RANBP9: variants seen among roughly 807,000 people sequenced by gnomAD.
RANBP9 encodes the protein ran-binding protein 9.
A neutral mutation model predicts 84.3 loss-of-function variants in RANBP9; 15 were observed. That is an observed-to-expected ratio of 0.18 (90% CI 0.12 to 0.27). RANBP9 has a LOEUF of 0.27. RANBP9 is among the 10% of genes least tolerant of loss of function. The probability of loss-of-function intolerance (pLI) is 1.00; values close to 1 mark genes in which losing one functional copy is unlikely to be tolerated. For missense variants in RANBP9, 809 were observed against 912.8 expected (o/e 0.89, Z 1.46); for synonymous variants, 392 against 349.6 (o/e 1.12, Z -1.35).
intron 2 of RANBP9, among the ~76,000 whole-genome samples, chr6:13,678,055 C>T (rs974418041): frequency 6.6e-6 from 1 of 152,154 alleles, no homozygotes; most frequent in Non-Finnish European, 1.5e-5. Context: ...GAGTTCAAGG[C>T]TGCAGTGAAC....
intron 7 of RANBP9, among the ~76,000 whole-genome samples, chr6:13,642,083 T>A (rs776432698): frequency 2.0e-5 from 3 of 152,184 alleles, no homozygotes; most frequent in Admixed American, 1.3e-4. Flanking sequence ...TACTTATGGA[T>A]CAATACTGTA....
chr6:13,685,749 G>C (rs961921400), intron 2 of RANBP9, among the ~76,000 whole-genome samples: 3 of 152,030 alleles, frequency 2.0e-5, no homozygotes, highest in African/African-American at 4.8e-5. Context: ...CCAACATGGT[G>C]AAACCCTGTC....
At chr6:13,693,611 G>A (rs762258854) in intron 2 of RANBP9, among the ~76,000 whole-genome samples, 5 of 152,088 alleles carry the variant, frequency 3.3e-5, no homozygotes, top group Non-Finnish European at 7.3e-5. Flanking sequence ...AGCCGGGGGT[G>A]GCAGCAGATA....
At chr6:13,636,766 TATATC>T (rs764129181) in intron 10 of RANBP9, among the ~76,000 whole-genome samples, 6 of 152,248 alleles carry the variant, frequency 3.9e-5, no homozygotes, top group Non-Finnish European at 8.8e-5. Context: ...CATTACAACT[TATATC>T]AATCACACAC....
At chr6:13,695,504 T>C (rs1766425806) in intron 2 of RANBP9, among the ~76,000 whole-genome samples, 1 of 150,824 alleles carries the variant, frequency 6.6e-6, no homozygotes, top group Non-Finnish European at 1.5e-5. Flanking sequence ...ACACATTGTC[T>C]GGAGCTCGAG....
At chr6:13,662,864 CT>C (rs1765565268) in intron 2 of RANBP9, among the ~76,000 whole-genome samples, 1 of 151,888 alleles carries the variant, frequency 6.6e-6, no homozygotes, top group African/African-American at 2.4e-5. Flanking sequence ...TAATGGCAGA[CT>C]GAAGATGGCA....
intron 2 of RANBP9, among the ~76,000 whole-genome samples, chr6:13,685,020 C>T (rs1486372727): frequency 1.3e-5 from 2 of 152,196 alleles, no homozygotes; most frequent in African/African-American, 4.8e-5. Context: ...GATTCCTTCT[C>T]CTCAGCATAT....
At chr6:13,640,551 T>C (rs553612641) in intron 8 of RANBP9, among the ~76,000 whole-genome samples, 2 of 152,286 alleles carry the variant, frequency 1.3e-5, no homozygotes, top group African/African-American at 4.8e-5. Context: ...TGCAGTATTA[T>C]CCAAACAATG....
chr6:13,644,865 T>A (rs370728733), intron 5 of RANBP9, 136 bp from the exon 6 acceptor site: 4 of 735,520 alleles, frequency 5.4e-6, no homozygotes, highest in South Asian at 5.7e-5. Flanking sequence ...ATTAGAAGGC[T>A]AAAACAAATG....
intron 1 of RANBP9, among the ~76,000 whole-genome samples, chr6:13,699,933 T>C (rs1301074239): frequency 1.3e-5 from 2 of 152,212 alleles, no homozygotes; most frequent in Admixed American, 1.3e-4. Context: ...ATGCTCAAAC[T>C]TGTAATATCA....
intron 8 of RANBP9, 89 bp from the exon 9 acceptor site, chr6:13,639,842 CTTTGA>C (rs1371008455): frequency 1.1e-5 from 13 of 1,152,474 alleles, no homozygotes; most frequent in African/African-American, 3.1e-5. Flanking sequence ...ATTTTTAAAA[CTTTGA>C]TTTATCAGTA....
intron 2 of RANBP9, among the ~76,000 whole-genome samples, chr6:13,684,779 T>A (rs1043459288): frequency 3.9e-5 from 6 of 152,178 alleles, no homozygotes; most frequent in Non-Finnish European, 8.8e-5. Context: ...GATTAAATGC[T>A]ATGAAGGGGA....
At position 13,711,473 on chromosome 6, in the gene RANBP9, C is replaced by A; in HGVS notation, c.33G>T (p.Gln11His). The A allele has an allele frequency of 8.0e-7, 1 of 1,242,774 alleles. No homozygotes were observed. 77.0% of individuals were successfully genotyped at this position (1,242,774 alleles called of 1,614,324 possible). The change falls in exon 1 of 14, where the codon CAG (glutamine) becomes CAT (histidine). Residue 11 changes from glutamine (Q) to histidine (H), a missense_variant. Coordinates refer to ENST00000011619, the MANE Select transcript of RANBP9 (RefSeq NM_005493.3). ...ACAGCTGCTGCTGCTGTTGCTGCTG[C>A]TGCGGCGGCGGCGGCGGCGGCTGCC... Reference protein sequence around the residue: MSGQPPPPPPQQQQQQQQLSP... With the variant: MSGQPPPPPPHQQQQQQQLSP...
At position 13,674,217 on chromosome 6, in the gene RANBP9, AAGAC is replaced by A. The variant is rs548062407; in HGVS notation, c.684-15389_684-15386del. On this transcript the variant is annotated intron_variant, in intron 2 of 13. Transcript: ENST00000011619. Reference sequence around the variant, plus strand: ...TGAATCATCTAAATATACCAATTAAAAGACAGAACTGACAAGAGTGAACAAAAAG... The same window carrying A: ...TGAATCATCTAAATATACCAATTAAAAGAACTGACAAGAGTGAACAAAAAG... Among the ~76,000 whole-genome samples the A allele has an allele frequency of 4.0e-3, 616 of 152,316 alleles. 3 individuals are homozygous for A. The highest frequency in any genetic ancestry group is 6.2e-3 in the Non-Finnish European group (424 of 68,020).
At chr6:13,674,433 T>A (rs567022733) in intron 2 of RANBP9, among the ~76,000 whole-genome samples, 2 of 152,314 alleles carry the variant, frequency 1.3e-5, no homozygotes, top group African/African-American at 4.8e-5. Flanking sequence ...TAGTACATAA[T>A]GATCAAGGAT....
Position 13,625,006 on chromosome 6 carries a change from CAG to C in RANBP9, c.2059+645_2059+646del, listed in dbSNP as rs570575911. On this transcript the variant is annotated intron_variant, in intron 13 of 13. Coordinates refer to ENST00000011619, the MANE Select transcript of RANBP9 (RefSeq NM_005493.3). ...AGCAAAATGGTTGGGAACCAGGTAA[CAG>C]GGGAGGACCAGCTAGGAATCCTGCC... Among the ~76,000 whole-genome samples, 619 of 152,308 alleles carry C rather than the reference CAG, an allele frequency of 4.1e-3. 4 individuals are homozygous for C. The highest frequency in any genetic ancestry group is 0.013 in the African/African-American group (535 of 41,566).
At chr6:13,633,592 T>C (rs1050483642) in intron 11 of RANBP9, among the ~76,000 whole-genome samples, 31 of 152,232 alleles carry the variant, frequency 2.0e-4, no homozygotes, top group African/African-American at 7.5e-4. Context: ...AATGGCAGTT[T>C]TGCAGAAATC....
chr6:13,688,024 C>T (rs1182148009), intron 2 of RANBP9, among the ~76,000 whole-genome samples: 1 of 152,140 alleles, frequency 6.6e-6, no homozygotes, highest in Non-Finnish European at 1.5e-5. Flanking sequence ...TTGCTGTGCA[C>T]CAGGCATCTT....
chr6:13,693,832 C>T (rs1413029454), intron 2 of RANBP9, among the ~76,000 whole-genome samples: 1 of 152,162 alleles, frequency 6.6e-6, no homozygotes, highest in African/African-American at 2.4e-5. Flanking sequence ...CATTTGAGGT[C>T]AGGCGCTCGA....
Sources: allele counts gnomAD v4.1 joint callset (sites outside exome capture counted in the v4.1 genomes callset), GRCh38; gene constraint gnomAD v4.1.1; transcripts MANE v1.5; gene names NCBI Gene and HGNC (gene_info 2026-07-23, HGNC 2026-07-21).